SLC23A2: variants seen among roughly 807,000 people sequenced by gnomAD.
SLC23A2 encodes Na(+)/L-ascorbic acid transporter 2.
In SLC23A2, 36 loss-of-function variants were observed where a neutral mutation model predicts 73.3. That is an observed-to-expected ratio of 0.49 (90% confidence interval 0.38 to 0.65). The LOEUF (loss-of-function observed/expected upper bound fraction) is 0.65, where lower values mean the gene tolerates loss of function less well. SLC23A2 is among the 30% of genes least tolerant of loss of function. SLC23A2 has a pLI of 0.00. For synonymous variants in SLC23A2, 343 were observed against 327.3 expected, an observed-to-expected ratio of 1.05 and a Z score of -0.52; for missense variants, 507 against 841.6, an observed-to-expected ratio of 0.60 and a Z score of 4.92.
chr20:4,859,244 TAAAA>T, intron 16 of SLC23A2, 41 bp downstream of exon 16: 1 of 1,115,498 alleles, frequency 9.0e-7, no homozygotes, highest in Non-Finnish European at 1.3e-6. Context: ...ACACATATGT[TAAAA>T]AATAAAAAAA....
chr20:5,002,932 T>G (rs1412416532), upstream of SLC23A2, among the ~76,000 whole-genome samples: 1 of 152,134 alleles, frequency 6.6e-6, no homozygotes, highest in Non-Finnish European at 1.5e-5. Context: ...ATCCTTAACC[T>G]TGACAAAATG....
intron 4 of SLC23A2, 36 bp downstream of exon 4, chr20:4,912,844 G>T: frequency 7.7e-7 from 1 of 1,305,534 alleles, no homozygotes; most frequent in Non-Finnish European, 1.1e-6. Flanking sequence ...AGGGGATGGC[G>T]GTGGGAGTGG....
chr20:4,852,933 T>A lies in SLC23A2; in HGVS notation c.*4039A>T, dbSNP rs1461866819. 6.6e-6 allele frequency: 1 copy of A among 152,652 alleles called. No homozygotes were observed. The highest frequency in any genetic ancestry group is 1.5e-5 in the Non-Finnish European group (1 of 68,080). 9.5% of individuals were successfully genotyped at this position (152,652 alleles called of 1,614,324 possible). Reference sequence around the variant, plus strand: ...AGACCCCCAACGCTAATGTGCCTTATGGGTCCATGGGCAGACGCTGAACGC... The same window carrying A: ...AGACCCCCAACGCTAATGTGCCTTAAGGGTCCATGGGCAGACGCTGAACGC... On this transcript the variant is annotated 3_prime_UTR_variant, in exon 17 of 17. Coordinates refer to ENST00000338244, the MANE Select transcript of SLC23A2 (RefSeq NM_005116.6). This position sits in a 1 kb window ranked among gnomAD's most constrained non-coding sequence, Gnocchi z 4.3.
At position 4,883,600 on chromosome 20, in the gene SLC23A2, CT is replaced by C. The variant is rs749673456; in HGVS notation, c.824+41del. 1 of 1,405,950 alleles carries C rather than the reference CT, an allele frequency of 7.1e-7. No homozygotes were observed. Among genetic ancestry groups the C allele is most frequent in the Non-Finnish European group, 9.8e-7 (1 of 1,021,570 alleles). The allele number at this position is 1,405,950 out of a possible 1,614,324, so 87.1% of individuals were successfully genotyped here. A position where few individuals can be genotyped will look rare whatever the true frequency, so the allele number is the denominator to read the frequency against. On this transcript the variant is annotated intron_variant, in intron 9 of 16. Coordinates refer to ENST00000338244, the MANE Select transcript of SLC23A2 (RefSeq NM_005116.6). This position sits in a 1 kb window ranked among gnomAD's most constrained non-coding sequence, Gnocchi z 4.5. ...AAGTCTGTGTGAATGTTCCTAAAGG[CT>C]GCCCCGCAGTGGTGGGATGAGGGGA...
At chr20:4,867,928 C>A in intron 12 of SLC23A2, 53 bp from the exon 13 acceptor site, 1 of 1,057,824 alleles carries the variant, frequency 9.5e-7, no homozygotes, top group South Asian at 1.3e-5. Context: ...ATAATGCATT[C>A]ACTCTGAAAT....
At chr20:4,913,426 C>T (rs1236461461) in intron 3 of SLC23A2, among the ~76,000 whole-genome samples, 1 of 152,140 alleles carries the variant, frequency 6.6e-6, no homozygotes, top group African/African-American at 2.4e-5. Flanking sequence ...GGTAAGGGGC[C>T]ACACCATCGT....
chr20:4,946,695 C>G (rs537473868), intron 2 of SLC23A2, among the ~76,000 whole-genome samples: 1 of 152,206 alleles, frequency 6.6e-6, no homozygotes, highest in East Asian at 1.9e-4. Flanking sequence ...GCCTGAGACA[C>G]GTCATTTTGC....
chr20:4,898,217 C>T (rs1323240109), intron 6 of SLC23A2, among the ~76,000 whole-genome samples: 1 of 152,208 alleles, frequency 6.6e-6, no homozygotes, highest in Non-Finnish European at 1.5e-5. Context: ...TGGTTGTGGG[C>T]AGACTAGCAA....
intron 2 of SLC23A2, among the ~76,000 whole-genome samples, chr20:4,959,509 T>G (rs781420058): frequency 3.9e-5 from 6 of 152,150 alleles, no homozygotes; most frequent in Non-Finnish European, 8.8e-5. Context: ...TTGTATTTAT[T>G]TATTTTGAGA....
At chr20:4,889,295 C>T (rs775720310) in intron 6 of SLC23A2, among the ~76,000 whole-genome samples, 2 of 151,990 alleles carry the variant, frequency 1.3e-5, no homozygotes, top group South Asian at 2.1e-4. Flanking sequence ...AGCCACAGGA[C>T]GGACCCAGGA....
chr20:4,973,213 T>G lies in SLC23A2; in HGVS notation c.-281-2294A>C, dbSNP rs778531687. ...GGACATAAGAAAAGATCGTGTGACC[T>G]TCTCAATTTACTAAACACAAGTCTG... On this transcript the variant is annotated intron_variant, in intron 1 of 16. Coordinates refer to ENST00000338244, the MANE Select transcript of SLC23A2 (RefSeq NM_005116.6). Among the ~76,000 whole-genome samples, 56 of 152,210 alleles carry G rather than the reference T, an allele frequency of 3.7e-4. 1 individual carries two copies. Among genetic ancestry groups the G allele is most frequent in the Non-Finnish European group, 6.6e-4 (45 of 68,022 alleles).
Position 4,875,666 on chromosome 20 carries a change from G to C in SLC23A2, c.825-970C>G, listed in dbSNP as rs370497502. 2.0e-5 allele frequency among the ~76,000 whole-genome samples: 3 copies of C among 152,248 alleles called. No homozygotes were observed. In the East Asian group the frequency reaches 5.8e-4, roughly 29 times the overall value. ...TCCTGACACACCAGTCCATGACATC[G>C]GTCTGGTGTCCCACGGGGCTGGCAG... On this transcript the variant is annotated intron_variant, in intron 9 of 16. Transcript: ENST00000338244.
At chr20:4,865,784 T>A (rs1040891202) in intron 13 of SLC23A2, among the ~76,000 whole-genome samples, 1 of 152,176 alleles carries the variant, frequency 6.6e-6, no homozygotes, top group Non-Finnish European at 1.5e-5. Flanking sequence ...AGTATTTGCA[T>A]GTAGCCTACA....
At chr20:4,949,058 G>T (rs2087158630) in intron 2 of SLC23A2, among the ~76,000 whole-genome samples, 1 of 152,058 alleles carries the variant, frequency 6.6e-6, no homozygotes, top group Non-Finnish European at 1.5e-5. Context: ...GGCCAAGACG[G>T]ATGGATTACC....
rs375255204 is a variant in SLC23A2, at chr20:4,874,737, T to C, written c.825-41A>G. On this transcript the variant is annotated intron_variant, in intron 9 of 16. Coordinates refer to ENST00000338244, the MANE Select transcript of SLC23A2 (RefSeq NM_005116.6). ...AAACAAACTAGGTCAAAAGCTGTTA[T>C]GTCTCTGTTATAAAATAACACTCGA... 1.1e-5 allele frequency: 17 copies of C among 1,527,382 alleles called. No individual in the cohort carries two copies. In the South Asian group the frequency reaches 2.0e-4, roughly 18 times the overall value. 94.6% of individuals were successfully genotyped at this position (1,527,382 alleles called of 1,614,324 possible). A position where few individuals can be genotyped will look rare whatever the true frequency, so the allele number is the denominator to read the frequency against.
intron 16 of SLC23A2, among the ~76,000 whole-genome samples, chr20:4,858,186 A>T (rs1389613460): frequency 6.6e-6 from 1 of 152,108 alleles, no homozygotes; most frequent in Non-Finnish European, 1.5e-5. Flanking sequence ...CACACAGGTC[A>T]TGTACCTGTT....
At position 4,883,495 on chromosome 20, in the gene SLC23A2, C is replaced by G. The variant is rs754296005; in HGVS notation, c.824+147G>C. On this transcript the variant is annotated intron_variant, in intron 9 of 16. Transcript: ENST00000338244. This position sits in a 1 kb window ranked among gnomAD's most constrained non-coding sequence, Gnocchi z 4.5. ...ACTTCCCAAACTCTGGGTCAAAAAC[C>G]CTTCAACTATTCCCCAGCACGAAGC... is the stretch of plus-strand genomic sequence containing the variant. 1.0e-4 allele frequency: 63 copies of G among 614,664 alleles called. No homozygotes were observed. The highest frequency in any genetic ancestry group is 1.6e-4 in the Non-Finnish European group (57 of 361,954). The allele number at this position is 614,664 out of a possible 1,614,324, so 38.1% of individuals were successfully genotyped here. A position where few individuals can be genotyped will look rare whatever the true frequency, so the allele number is the denominator to read the frequency against.
intron 11 of SLC23A2, 127 bp from the exon 12 acceptor site, chr20:4,870,180 A>C: frequency 1.3e-6 from 1 of 784,156 alleles, no homozygotes; most frequent in Non-Finnish European, 2.0e-6. Flanking sequence ...AAGCTCATGG[A>C]AACTGTTCAT....
At chr20:4,916,013 T>C (rs989989212) in intron 3 of SLC23A2, among the ~76,000 whole-genome samples, 2 of 152,148 alleles carry the variant, frequency 1.3e-5, no homozygotes, top group African/African-American at 4.8e-5. Context: ...AATTAGTACA[T>C]ACTCCTACAG....
Sources: gnomAD v4.1 joint callset for allele counts (sites outside exome capture counted in the v4.1 genomes callset) on GRCh38, gnomAD v4.1.1 for gene constraint, Gnocchi (gnomAD v3.1) non-coding constraint, MANE v1.5 for transcripts, NCBI Gene and HGNC (gene_info 2026-07-23, HGNC 2026-07-21) for gene names.